PRKG1: variants seen among roughly 807,000 people sequenced by gnomAD.
The protein encoded by PRKG1 is cGMP-dependent protein kinase 1.
In PRKG1, 35 loss-of-function variants were observed where a neutral mutation model predicts 88.1. The observed-to-expected ratio is 0.40, with a 90% confidence interval of 0.30 to 0.53. PRKG1 has a LOEUF of 0.53. Ranked by LOEUF, PRKG1 falls within the 20% of genes least tolerant of loss-of-function variation. The probability of loss-of-function intolerance (pLI) is 0.59; values close to 1 mark genes in which losing one functional copy is unlikely to be tolerated. For synonymous variants in PRKG1, 303 were observed against 292.5 expected (o/e 1.04, Z -0.37); for missense variants, 540 against 839.8 (o/e 0.64, Z 4.41).
At chr10:51,219,778 A>C (rs1838478616) in intron 2 of PRKG1, among the ~76,000 whole-genome samples, 1 of 152,072 alleles carries the variant, frequency 6.6e-6, no homozygotes, top group African/African-American at 2.4e-5. Flanking sequence ...TCAAATAGAG[A>C]GGAAGTGAAG....
intron 3 of PRKG1, among the ~76,000 whole-genome samples, chr10:51,791,776 T>A (rs1838876233): frequency 6.6e-6 from 1 of 152,122 alleles, no homozygotes; most frequent in African/African-American, 2.4e-5. Context: ...TGGGAAAGTC[T>A]TCATAGACAA....
At position 51,865,336 on chromosome 10, in the gene PRKG1, T is replaced by C. The variant is rs571304701; in HGVS notation, c.699-42171T>C. The stretch of plus-strand genomic sequence containing the variant: ...CATCAGAGAGTGTTTATTGCCAATT[T>C]TATAATTTTACAACATAGGTATAAT... On this transcript the variant is annotated intron_variant, in intron 4 of 17. Transcript: ENST00000373980. Among the ~76,000 whole-genome samples, 355 of 152,198 alleles carry C rather than the reference T, an allele frequency of 2.3e-3. 4 individuals carry two copies. The highest frequency in any genetic ancestry group is 8.2e-3 in the African/African-American group (342 of 41,558).
intron 3 of PRKG1, among the ~76,000 whole-genome samples, chr10:51,478,346 C>A: frequency 6.6e-6 from 1 of 151,954 alleles, no homozygotes; most frequent in East Asian, 1.9e-4. Flanking sequence ...CTTTAATTGC[C>A]TTAAGGAAGA....
intron 1 of PRKG1, among the ~76,000 whole-genome samples, chr10:51,091,499 G>A (rs1844397218): frequency 1.3e-5 from 2 of 152,118 alleles, no homozygotes; most frequent in South Asian, 2.1e-4. Flanking sequence ...TTACTTGAAT[G>A]ACTATGTGAC....
At chr10:52,279,052 T>C (rs1273181151) in intron 12 of PRKG1, among the ~76,000 whole-genome samples, 1 of 152,142 alleles carries the variant, frequency 6.6e-6, no homozygotes, top group African/African-American at 2.4e-5. Flanking sequence ...AGCTATATAT[T>C]AATTATATAT....
intron 3 of PRKG1, among the ~76,000 whole-genome samples, chr10:51,642,810 C>G (rs1438933996): frequency 6.6e-6 from 1 of 152,150 alleles, no homozygotes; most frequent in Non-Finnish European, 1.5e-5. Context: ...CAAGCCTGAA[C>G]TTATTGATTG....
intron 3 of PRKG1, chr10:51,697,896 T>C: frequency 1.9e-6 from 3 of 1,610,208 alleles, no homozygotes; most frequent in Non-Finnish European, 1.7e-6. Flanking sequence ...CCTTGCTTGC[T>C]TGCCCCCTGT....
chr10:52,178,023 T>G (rs572823910), intron 9 of PRKG1, among the ~76,000 whole-genome samples: 1 of 151,954 alleles, frequency 6.6e-6, no homozygotes, highest in Admixed American at 6.5e-5. Context: ...TACTATTTCT[T>G]CCCTTCTACT....
intron 2 of PRKG1, among the ~76,000 whole-genome samples, chr10:51,290,242 AAAAC>A (rs940684473): frequency 5.3e-5 from 8 of 152,142 alleles, no homozygotes; most frequent in Non-Finnish European, 1.2e-4. Flanking sequence ...GCTGTCTCAA[AAAAC>A]AAACAAAAAA....
upstream of PRKG1, among the ~76,000 whole-genome samples, chr10:51,070,440 T>C (rs1010791646): frequency 4.6e-5 from 7 of 152,152 alleles, no homozygotes; most frequent in Non-Finnish European, 1.0e-4. Flanking sequence ...CAGAGGAAGC[T>C]TCTGTCTCCT....
intron 5 of PRKG1, among the ~76,000 whole-genome samples, chr10:52,051,261 A>C (rs1451191625): frequency 6.6e-6 from 1 of 152,064 alleles, no homozygotes; most frequent in Non-Finnish European, 1.5e-5. Context: ...GGTGCTTTTT[A>C]TTTGCATTTT....
At chr10:51,016,668 C>CTTTTTTTTTTTTTTTTTT (rs1287045930) in intron 1 of PRKG1, among the ~76,000 whole-genome samples, 2 of 26,294 alleles carry the variant, frequency 7.6e-5, no homozygotes, top group Non-Finnish European at 1.5e-4. Context: ...GTATTATTAT[C>CTTTTTTTTTTTTTTTTTT]CTTTCTTTTT....
intron 2 of PRKG1, among the ~76,000 whole-genome samples, chr10:51,324,631 C>T (rs376481795): frequency 6.6e-6 from 1 of 151,060 alleles, no homozygotes; most frequent in South Asian, 2.1e-4. Flanking sequence ...ATCCCAGCTA[C>T]TCGGGAGGCT....
At chr10:51,203,718 C>T (rs1211034848) in intron 2 of PRKG1, among the ~76,000 whole-genome samples, 1 of 152,144 alleles carries the variant, frequency 6.6e-6, no homozygotes, top group Non-Finnish European at 1.5e-5. Context: ...ATCTGTAAGG[C>T]AATATTTTCT....
At chr10:51,155,190 T>G (rs1370593614) in intron 2 of PRKG1, among the ~76,000 whole-genome samples, 1 of 152,032 alleles carries the variant, frequency 6.6e-6, no homozygotes, top group Non-Finnish European at 1.5e-5. Context: ...AAATATTTCT[T>G]ACAAAAGTAG....
At chr10:51,470,016 A>G (rs1426877296) in intron 3 of PRKG1, among the ~76,000 whole-genome samples, 2 of 151,690 alleles carry the variant, frequency 1.3e-5, no homozygotes, top group East Asian at 3.9e-4. Flanking sequence ...ATCTAGGGAG[A>G]TTGTACTTGT....
At chr10:51,131,355 A>G (rs561567539) in intron 1 of PRKG1, among the ~76,000 whole-genome samples, 384 of 152,304 alleles carry the variant, frequency 2.5e-3, no homozygotes, top group Admixed American at 4.2e-3. Flanking sequence ...TAATTATCTC[A>G]TTGTAAAACT....
intron 2 of PRKG1, among the ~76,000 whole-genome samples, chr10:51,270,217 A>G (rs182044632): frequency 9.6e-4 from 146 of 152,308 alleles, no homozygotes; most frequent in African/African-American, 3.3e-3. Flanking sequence ...CTTACTTTGT[A>G]TCAAATGGAC....
At chr10:51,278,132 A>G (rs1475252333) in intron 2 of PRKG1, among the ~76,000 whole-genome samples, 1 of 152,180 alleles carries the variant, frequency 6.6e-6, no homozygotes, top group East Asian at 1.9e-4. Flanking sequence ...CGTCCCATCA[A>G]TACCTAATTT....
Sources: allele counts gnomAD v4.1 joint callset (sites outside exome capture counted in the v4.1 genomes callset), GRCh38; gene constraint gnomAD v4.1.1; transcripts MANE v1.5; gene names NCBI Gene and HGNC (gene_info 2026-07-23, HGNC 2026-07-21).